The following AGT variants were observed in gnomAD, a reference collection of about 807,000 sequenced individuals.
AGT encodes the protein alpha-1 antiproteinase, antitrypsin.
A neutral mutation model predicts 28.1 loss-of-function variants in AGT; 26 were observed. The observed-to-expected ratio is 0.92, with a 90% CI of 0.68 to 1.28. The LOEUF (loss-of-function observed/expected upper bound fraction) is 1.28. Among genes scored for constraint, AGT ranks in the 50% most tolerant of loss-of-function variants. The pLI, the probability that AGT is intolerant of heterozygous loss-of-function variation, is 0.00. For synonymous variants in AGT, 259 were observed against 259.6 expected (o/e 1.00, Z 0.02); for missense variants, 596 against 592.3 (o/e 1.01, Z -0.06).
At chr1:230,707,006 C>T (rs1416413339) in intron 2 of AGT, among the ~76,000 whole-genome samples, 9 of 152,210 alleles carry the variant, frequency 5.9e-5, no homozygotes, top group Admixed American at 4.6e-4. Context: ...GCCCCGGAAA[C>T]GAGGGCTCCA....
chr1:230,708,025 T>C (rs1663445241), intron 2 of AGT, among the ~76,000 whole-genome samples: 1 of 152,014 alleles, frequency 6.6e-6, no homozygotes, highest in Non-Finnish European at 1.5e-5. Context: ...AAATAGAACA[T>C]CATTGCTAAA....
intron 1 of AGT, among the ~76,000 whole-genome samples, chr1:230,734,243 A>G (rs1056957944): frequency 2.6e-5 from 4 of 152,238 alleles, no homozygotes; most frequent in African/African-American, 9.6e-5. Context: ...ATGCTACATC[A>G]TGGATGGACC....
chr1:230,703,974 C>T (rs1663305610), intron 4 of AGT, among the ~76,000 whole-genome samples: 1 of 152,198 alleles, frequency 6.6e-6, no homozygotes, highest in Non-Finnish European at 1.5e-5. Context: ...ACACACCTAG[C>T]AGGAGGAGGC....
chr1:230,734,061 C>G (rs997057541), intron 1 of AGT, among the ~76,000 whole-genome samples: 1 of 152,132 alleles, frequency 6.6e-6, no homozygotes, highest in Non-Finnish European at 1.5e-5. Flanking sequence ...GACCCTTTAA[C>G]AAGTGCGGGT....
At chr1:230,705,494 C>T (rs997879589) in intron 3 of AGT, among the ~76,000 whole-genome samples, 5 of 152,074 alleles carry the variant, frequency 3.3e-5, no homozygotes, top group Admixed American at 6.5e-5. Flanking sequence ...AGTCAAGGGA[C>T]GCTCCCTGAG....
Position 230,703,406 on chromosome 1 carries a change from G to T in AGT, c.1243-77C>A, listed in dbSNP as rs1247055331. ...GGGTGCTGAGGGCTAGAGGGCCGGG[G>T]TGGGCTCAGGACCTCTGTGCTGTGC... On this transcript the variant is annotated intron_variant, in intron 4 of 4. Transcript: ENST00000366667. 5 of 1,501,432 alleles carry T rather than the reference G, an allele frequency of 3.3e-6. No individual in the cohort carries two copies. The African/African-American group carries it at 4.1e-5, about 12-fold the overall frequency. 93.0% of individuals were successfully genotyped at this position (1,501,432 alleles called of 1,614,324 possible). A position where few individuals can be genotyped will look rare whatever the true frequency, so the allele number is the denominator to read the frequency against.
At chr1:230,713,643 C>T (rs1420929985) in intron 1 of AGT, among the ~76,000 whole-genome samples, 13 of 152,186 alleles carry the variant, frequency 8.5e-5, no homozygotes, top group Admixed American at 8.5e-4. Flanking sequence ...CACAGTCAGG[C>T]AGTCTGTCTC....
intron 1 of AGT, among the ~76,000 whole-genome samples, chr1:230,713,467 AT>A (rs1663651909): frequency 6.6e-6 from 1 of 152,236 alleles, no homozygotes; most frequent in Admixed American, 6.5e-5. Context: ...TAAAATTGGA[AT>A]CTGCCTTTTA....
chr1:230,723,408 T>G (rs1373623098), intron 1 of AGT, among the ~76,000 whole-genome samples: 1 of 152,254 alleles, frequency 6.6e-6, no homozygotes, highest in African/African-American at 2.4e-5. Flanking sequence ...AGAAGAACAT[T>G]ATTCAAGAAT....
intron 1 of AGT, among the ~76,000 whole-genome samples, chr1:230,724,068 G>T (rs1663893200): frequency 1.3e-5 from 2 of 152,168 alleles, no homozygotes; most frequent in African/African-American, 4.8e-5. Context: ...ATCTGGGCTG[G>T]ACCACCATCT....
At chr1:230,710,914 A>C in intron 1 of AGT, 61 bp from the exon 2 acceptor site, 1 of 1,569,234 alleles carries the variant, frequency 6.4e-7, no homozygotes, top group Admixed American at 1.7e-5. Flanking sequence ...AGTGCCATCT[A>C]ACCAGATCTT....
chr1:230,729,587 TG>T lies in AGT; in HGVS notation c.-31+15927del, dbSNP rs1163102322. ...GAGAGACAGTGGCCCCAGCTCCCAGTGTCTGTGGGAGGGTGACAGCCTGCCT... is the reference window on the plus strand; with the variant it reads ...GAGAGACAGTGGCCCCAGCTCCCAGTTCTGTGGGAGGGTGACAGCCTGCCT... On this transcript the variant is annotated intron_variant, in intron 1 of 4. Transcript: ENST00000681269. 2.6e-5 allele frequency among the ~76,000 whole-genome samples: 4 copies of T among 152,212 alleles called. No homozygotes were observed. In the South Asian group the frequency reaches 8.3e-4, roughly 32 times the overall value.
intron 1 of AGT, among the ~76,000 whole-genome samples, chr1:230,722,030 T>C (rs1435354769): frequency 6.6e-6 from 1 of 152,226 alleles, no homozygotes; most frequent in Non-Finnish European, 1.5e-5. Context: ...ATCACAGGCC[T>C]GGAGGCCTAA....
rs917942997 is a variant in AGT at position 230,734,779 on chromosome 1, G to T, written c.-31+10736C>A. ...GGCTGGAGTGCAGTGGTGCAATCTC[G>T]GCTCACTGCAAGCTCCACCTCCCGG... is the stretch of plus-strand genomic sequence containing the variant. On this transcript the variant is annotated intron_variant, in intron 1 of 4. Transcript: ENST00000681269. 5.3e-5 allele frequency among the ~76,000 whole-genome samples: 8 copies of T among 151,760 alleles called. No individual in the cohort carries two copies. In the South Asian group the frequency reaches 1.7e-3, roughly 32 times the overall value.
At chr1:230,743,615 C>T (rs997369872) in intron 1 of AGT, among the ~76,000 whole-genome samples, 2 of 152,206 alleles carry the variant, frequency 1.3e-5, no homozygotes, top group East Asian at 1.9e-4. Flanking sequence ...ATGTCGCAGC[C>T]GGGTGGGCTC....
intron 1 of AGT, among the ~76,000 whole-genome samples, chr1:230,742,452 A>G (rs1571990923): frequency 1.3e-5 from 2 of 152,264 alleles, no homozygotes; most frequent in Middle Eastern, 6.8e-3. Flanking sequence ...AGTAGCTGGG[A>G]TTACAGGTGC....
intron 1 of AGT, among the ~76,000 whole-genome samples, chr1:230,740,148 G>A (rs975791934): frequency 3.3e-5 from 5 of 152,154 alleles, no homozygotes; most frequent in African/African-American, 4.8e-5. Flanking sequence ...CATTGCCATG[G>A]CATTTGTAAA....
chr1:230,704,008 G>T (rs1423355704), intron 4 of AGT, among the ~76,000 whole-genome samples, 185 bp downstream of exon 4: 1 of 152,188 alleles, frequency 6.6e-6, no homozygotes, highest in African/African-American at 2.4e-5. Context: ...GGAGGGATTT[G>T]CTGCTCTGCA....
At chr1:230,710,890 T>C in intron 1 of AGT, 37 bp from the exon 2 acceptor site, 1 of 1,602,448 alleles carries the variant, frequency 6.2e-7, no homozygotes, top group African/African-American at 1.3e-5. Context: ...AAGGTGGTTA[T>C]TAACTGACCT....
Sources: gnomAD v4.1 joint callset for allele counts (sites outside exome capture counted in the v4.1 genomes callset) on GRCh38, gnomAD v4.1.1 for gene constraint, MANE v1.5 for transcripts, NCBI Gene and HGNC (gene_info 2026-07-23, HGNC 2026-07-21) for gene names.